Variants in DYNC1LI2 observed in about 807,000 individuals in gnomAD.
The protein encoded by DYNC1LI2 is dynein cytoplasmic 1 light intermediate chain 2.
DYNC1LI2 carries 19 observed loss-of-function variants against 57.8 expected under a neutral mutation model. The ratio of observed to expected loss-of-function variants is 0.33; its 90% confidence interval spans 0.23 to 0.48. The LOEUF (loss-of-function observed/expected upper bound fraction) is 0.48. Ranked by LOEUF, DYNC1LI2 falls within the 20% of genes least tolerant of loss-of-function variation. DYNC1LI2 has a pLI of 0.99. For missense variants in DYNC1LI2, 470 were observed against 604.2 expected, an observed-to-expected ratio of 0.78 and a Z score of 2.33; for synonymous variants, 256 against 233.4, an observed-to-expected ratio of 1.10 and a Z score of -0.88.
rs2017471479 is a variant in DYNC1LI2 at position 66,722,891 on chromosome 16, T to G, written c.*831A>C. The G allele has an allele frequency of 6.5e-6, 1 of 153,766 alleles. No homozygotes were observed. The highest frequency in any genetic ancestry group is 2.4e-5 in the African/African-American group (1 of 41,460). 9.5% of individuals were successfully genotyped at this position (153,766 alleles called of 1,614,324 possible). A position where few individuals can be genotyped will look rare whatever the true frequency, so the allele number is the denominator to read the frequency against. ...GCAGGAGCTATTTAGACAACAAAATTCAAAGTAAACTAATTCTGTAACTGC... is the reference window on the plus strand; with the variant it reads ...GCAGGAGCTATTTAGACAACAAAATGCAAAGTAAACTAATTCTGTAACTGC... On this transcript the variant is annotated 3_prime_UTR_variant, in exon 13 of 13. Transcript: ENST00000258198.
intron 12 of DYNC1LI2, among the ~76,000 whole-genome samples, chr16:66,725,520 T>C (rs117304438): frequency 2.2e-3 from 338 of 152,150 alleles, no homozygotes; most frequent in Admixed American, 0.01. Context: ...CCATGGACCA[T>C]GACTTCTACT....
chr16:66,727,149 C>T (rs749775836), intron 11 of DYNC1LI2, among the ~76,000 whole-genome samples: 5 of 152,164 alleles, frequency 3.3e-5, no homozygotes, highest in Non-Finnish European at 7.3e-5. Flanking sequence ...AACTCTTTAG[C>T]TCAAGCTATC....
At chr16:66,726,419 G>GA (rs2017536940) in intron 11 of DYNC1LI2, among the ~76,000 whole-genome samples, 1 of 152,212 alleles carries the variant, frequency 6.6e-6, no homozygotes, top group African/African-American at 2.4e-5. Context: ...AGTGAAGGGG[G>GA]AAAAATCCCC....
chr16:66,742,873 T>C (rs2017865420), intron 3 of DYNC1LI2, among the ~76,000 whole-genome samples: 2 of 152,038 alleles, frequency 1.3e-5, no homozygotes, highest in Non-Finnish European at 2.9e-5. Context: ...TACAGTAATA[T>C]AGGGTCCAGG....
chr16:66,723,894 T>C (rs939877946), intron 12 of DYNC1LI2, 72 bp from the exon 13 acceptor site: 4 of 1,284,914 alleles, frequency 3.1e-6, no homozygotes, highest in Non-Finnish European at 4.3e-6. Context: ...TAAAGGAGCA[T>C]TTAAAATTAT....
At chr16:66,739,833 A>G (rs1389623375) in intron 4 of DYNC1LI2, among the ~76,000 whole-genome samples, 1 of 152,206 alleles carries the variant, frequency 6.6e-6, no homozygotes, top group Non-Finnish European at 1.5e-5. Context: ...GGATAGTAAA[A>G]CGTGCATTTT....
chr16:66,723,931 G>GTAACCT, intron 12 of DYNC1LI2, 109 bp from the exon 13 acceptor site: 1 of 877,370 alleles, frequency 1.1e-6, no homozygotes, highest in Non-Finnish European at 1.7e-6. Context: ...CTTGATGACA[G>GTAACCT]TAACCTTAAT....
chr16:66,739,145 T>C (rs2017792461), intron 4 of DYNC1LI2: 1 of 152,136 alleles, frequency 6.6e-6, no homozygotes, highest in Non-Finnish European at 1.5e-5. Flanking sequence ...TGCCCGAAGA[T>C]CTCGTGAGGC....
intron 7 of DYNC1LI2, chr16:66,730,828 G>A (rs1236096089): frequency 6.6e-6 from 1 of 152,322 alleles, no homozygotes; most frequent in African/African-American, 2.4e-5. Flanking sequence ...CAACATCACA[G>A]GGTAGGATGG....
intron 9 of DYNC1LI2, 139 bp downstream of exon 9, chr16:66,728,901 A>G: frequency 1.2e-6 from 1 of 826,784 alleles, no homozygotes; most frequent in Non-Finnish European, 2.0e-6. Flanking sequence ...TAAGGAGGGA[A>G]TGAGGAGACC....
intron 12 of DYNC1LI2, 94 bp from the exon 13 acceptor site, chr16:66,723,916 A>C: frequency 1.0e-6 from 1 of 999,882 alleles, no homozygotes; most frequent in Non-Finnish European, 1.5e-6. Context: ...CGCCTTCTAT[A>C]ATCACTTGAT....
intron 7 of DYNC1LI2, 122 bp downstream of exon 7, chr16:66,732,217 G>T: frequency 1.6e-6 from 2 of 1,213,670 alleles, no homozygotes; most frequent in Non-Finnish European, 2.2e-6. Context: ...GAGAGAAGGT[G>T]CAGTGAGAGA....
intron 4 of DYNC1LI2, 34 bp from the exon 5 acceptor site, chr16:66,736,278 C>T (rs1051164735): frequency 6.2e-7 from 1 of 1,603,442 alleles, no homozygotes; most frequent in Non-Finnish European, 8.5e-7. Flanking sequence ...ATCACATGCA[C>T]ATAAATAAAA....
At chr16:66,749,734 T>C (rs2018006691) in intron 2 of DYNC1LI2, among the ~76,000 whole-genome samples, 1 of 152,150 alleles carries the variant, frequency 6.6e-6, no homozygotes, top group South Asian at 2.1e-4. Context: ...TACTGTGAAC[T>C]AAAAAAAGTC....
Position 66,751,378 on chromosome 16 carries a change from C to T in DYNC1LI2, c.108-32G>A, listed in dbSNP as rs756749546. The T allele has an allele frequency of 5.9e-5, 95 of 1,606,220 alleles. No homozygotes were observed. Among genetic ancestry groups the T allele is most frequent in the Non-Finnish European group, 7.8e-5 (92 of 1,177,074 alleles). ...CGACAATGGCAAGAGTGGTCAGCCC[C>T]GGGCCGGGCTGGGATGGCCCGGCTC... On this transcript the variant is annotated intron_variant, in intron 1 of 12. Transcript: ENST00000258198. The surrounding 1 kb of genome is among the most constrained non-coding windows in gnomAD (Gnocchi z 5.2).
At chr16:66,748,277 CAAAAAAAAAAAAA>C (rs36186799) in intron 3 of DYNC1LI2, among the ~76,000 whole-genome samples, 5 of 66,054 alleles carry the variant, frequency 7.6e-5, no homozygotes, top group African/African-American at 2.8e-4. Flanking sequence ...AACCCTGTCT[CAAAAAAAAAAAAA>C]AAAAAAAAAA....
At chr16:66,747,277 C>T (rs2017954017) in intron 3 of DYNC1LI2, among the ~76,000 whole-genome samples, 1 of 151,876 alleles carries the variant, frequency 6.6e-6, no homozygotes, top group African/African-American at 2.4e-5. Flanking sequence ...CAGAGTTTCA[C>T]CATGTTGGCC....
rs141211678 is a variant in DYNC1LI2, at chr16:66,737,553, C to A, written c.530-1309G>T. ...GAATTTTATAAGAACATGCTGTTTCCACACAGCTGAAGCTTGTCAGCACTA... is the reference window on the plus strand; with the variant it reads ...GAATTTTATAAGAACATGCTGTTTCAACACAGCTGAAGCTTGTCAGCACTA... On this transcript the variant is annotated intron_variant, in intron 4 of 12. Coordinates refer to ENST00000258198, the MANE Select transcript of DYNC1LI2 (RefSeq NM_006141.3). 1.8e-4 allele frequency among the ~76,000 whole-genome samples: 27 copies of A among 151,062 alleles called. No homozygotes were observed. In the East Asian group the frequency reaches 3.5e-3, roughly 20 times the overall value.
At position 66,751,549 on chromosome 16, in the gene DYNC1LI2, T is replaced by A; in HGVS notation, c.43A>T (p.Asn15Tyr). Residue 15 changes from asparagine to tyrosine, a missense_variant, in exon 1 of 13, where the codon AAC (asparagine) becomes TAC (tyrosine). By Grantham distance (143) the Asn-to-Tyr change is moderately radical. Transcript: ENST00000258198. The surrounding 1 kb of genome is among the most constrained non-coding windows in gnomAD (Gnocchi z 5.2). Reference protein sequence around the residue: ...GVEKKLLLGPNGPAVAAAGDL... With the variant: ...GVEKKLLLGPYGPAVAAAGDL... ...CCGGCGGCCGCCACCGCGGGCCCGT[T>A]GGGACCTAGCAGCAGCTTCTTCTCC... is the stretch of plus-strand genomic sequence containing the variant. 6.3e-7 allele frequency: 1 copy of A among 1,587,126 alleles called. No homozygotes were observed. Among genetic ancestry groups the A allele is most frequent in the Non-Finnish European group, 8.6e-7 (1 of 1,169,130 alleles).
Sources: gnomAD v4.1 joint callset for allele counts (sites outside exome capture counted in the v4.1 genomes callset) on GRCh38, gnomAD v4.1.1 for gene constraint, Gnocchi (gnomAD v3.1) non-coding constraint, MANE v1.5 for transcripts, NCBI Gene and HGNC (gene_info 2026-07-23, HGNC 2026-07-21) for gene names.